DYSF: variants seen among roughly 807,000 people sequenced by gnomAD.
DYSF encodes the protein dystrophy-associated fer-1-like 1.
Under a neutral mutation model 274.9 loss-of-function variants are expected in DYSF, and 212 were observed. The observed-to-expected ratio is 0.77, with a 90% CI of 0.69 to 0.86. The LOEUF is 0.86. Ranked by LOEUF, DYSF falls within the 40% of genes least tolerant of loss-of-function variation. DYSF has a pLI of 0.00. For missense variants in DYSF, 2,666 were observed against 2,783.2 expected (o/e 0.96, Z 0.95); for synonymous variants, 1,091 against 1,078.7 (o/e 1.01, Z -0.22).
intron 42 of DYSF, among the ~76,000 whole-genome samples, chr2:71,648,144 A>G (rs1283508510): frequency 6.6e-6 from 1 of 152,278 alleles, no homozygotes; most frequent in Non-Finnish European, 1.5e-5. Flanking sequence ...ATGAAAACTT[A>G]TCAGTAGAAG....
rs1358528244 is a variant in DYSF, at chr2:71,527,512, A to G, written c.1277-786A>G. ...CTAGAAGTGAGGCTGGTGAACTTCA[A>G]GAGGGGCATGGGGAAATAGAAATGT... On this transcript the variant is annotated intron_variant, in intron 13 of 55. Transcript: ENST00000410020. Among the ~76,000 whole-genome samples, 11 of 152,248 alleles carry G rather than the reference A, an allele frequency of 7.2e-5. No homozygotes were observed. The South Asian group carries it at 2.1e-3, about 29-fold the overall frequency.
rs1008097537 is a variant in DYSF at position 71,677,535 on chromosome 2, A to T, written c.5885-1522A>T. ...CTAATAGCTGAAGGTATCCTGGGAG[A>T]TGATAGATAAAAGGGATGATTAGAT... On this transcript the variant is annotated intron_variant, in intron 52 of 55. Transcript: ENST00000410020. Among the ~76,000 whole-genome samples the T allele has an allele frequency of 2.0e-5, 3 of 152,188 alleles. No individual in the cohort carries two copies. In the South Asian group the frequency reaches 6.2e-4, roughly 32 times the overall value.
Position 71,574,306 on chromosome 2 carries a change from C to T in DYSF, c.3337C>T (p.Arg1113Cys), listed in dbSNP as rs141536854. ...AGATGCCTTCCGCCGCCGCCGCTGG[C>T]GCCGTCGCATGGAGCCACTGGAGAA... ...KTDAFRRRRW[R>C]RRMEPLEKTG... Residue 1113 changes from arginine (R) to cysteine (C), a missense_variant, in exon 30 of 56, where the codon CGC becomes TGC. By Grantham distance (180) the Arg-to-Cys change is radical. Coordinates refer to ENST00000410020, the MANE Select transcript of DYSF (RefSeq NM_001130987.2). The T allele has an allele frequency of 1.0e-3, 1,647 of 1,614,102 alleles. 16 individuals carry two copies. The African/African-American group carries it at 0.02, about 19-fold the overall frequency.
At chr2:71,492,601 A>G (rs550801223) in intron 3 of DYSF, among the ~76,000 whole-genome samples, 40 of 152,198 alleles carry the variant, frequency 2.6e-4, no homozygotes, top group African/African-American at 9.4e-4. Flanking sequence ...GTACAAGAAC[A>G]TCCATATATT....
At chr2:71,682,269 A>G (rs2095305923) in intron 54 of DYSF, among the ~76,000 whole-genome samples, 1 of 152,074 alleles carries the variant, frequency 6.6e-6, no homozygotes, top group Admixed American at 6.5e-5. Flanking sequence ...AGAGGATGGC[A>G]GAGAAACTGG....
chr2:71,592,152 G>T (rs1437185797), intron 32 of DYSF, among the ~76,000 whole-genome samples: 1 of 152,162 alleles, frequency 6.6e-6, no homozygotes, highest in Non-Finnish European at 1.5e-5. Context: ...TGGCCAGGGG[G>T]GGCCCAGGCA....
At position 71,568,254 on chromosome 2, in the gene DYSF, GC is replaced by G; in HGVS notation, c.2781del (p.Lys928ArgfsTer38). The G allele has an allele frequency of 3.7e-6, 6 of 1,614,220 alleles. No individual in the cohort carries two copies. The highest frequency in any genetic ancestry group is 5.1e-6 in the Non-Finnish European group (6 of 1,180,048). On this transcript the variant is annotated frameshift_variant, in exon 26 of 56. Transcript: ENST00000410020. LOFTEE classifies it high-confidence loss of function. ...TACCCCAAGTTTTCTGACGTCACGGGCAAGATCAAGCTACCCAAGGACAGCT... is the reference window on the plus strand; with the variant it reads ...TACCCCAAGTTTTCTGACGTCACGGGAAGATCAAGCTACCCAAGGACAGCT... Reference protein sequence around the residue: ...LTYPKFSDVTGKIKLPKDSFR... With the variant: ...LTYPKFSDVTXKIKLPKDSFR...
intron 39 of DYSF, 24 bp from the exon 40 acceptor site, chr2:71,613,310 C>T: frequency 6.2e-7 from 1 of 1,603,478 alleles, no homozygotes; most frequent in Non-Finnish European, 8.5e-7. Context: ...CCCTCTCAGG[C>T]CTGGATGGCT....
chr2:71,651,607 A>G (rs773634842), intron 42 of DYSF, among the ~76,000 whole-genome samples: 1 of 152,142 alleles, frequency 6.6e-6, no homozygotes, highest in Non-Finnish European at 1.5e-5. Flanking sequence ...TTCCTGTGCT[A>G]TATGTAGTAT....
rs149487720 is a variant in DYSF, at chr2:71,498,579, T to C, written c.240-4635T>C. On this transcript the variant is annotated intron_variant, in intron 3 of 55. Transcript: ENST00000410020. ...GGGAGGCTCGGAATCCCGTGGCCTC[T>C]GGCTGCATGACTCCTGAGTCATAAT... 5.1e-3 allele frequency among the ~76,000 whole-genome samples: 782 copies of C among 152,360 alleles called. 10 individuals are homozygous for C. The highest frequency in any genetic ancestry group is 0.018 in the African/African-American group (741 of 41,590).
chr2:71,590,018 GTTAA>G (rs2093210663), intron 31 of DYSF, among the ~76,000 whole-genome samples, 189 bp from the exon 32 acceptor site: 1 of 152,090 alleles, frequency 6.6e-6, no homozygotes, highest in Admixed American at 6.5e-5. Flanking sequence ...CCAAGGACAT[GTTAA>G]TTAGTCAGGT....
intron 40 of DYSF, among the ~76,000 whole-genome samples, chr2:71,618,612 TG>T (rs2094005092): frequency 9.7e-5 from 11 of 113,712 alleles, no homozygotes; most frequent in South Asian, 5.7e-4. Context: ...GTGGTGGGTG[TG>T]GTAGAGGTGG....
At chr2:71,650,555 A>C (rs898220596) in intron 42 of DYSF, among the ~76,000 whole-genome samples, 19 of 152,210 alleles carry the variant, frequency 1.2e-4, no homozygotes, top group Non-Finnish European at 2.8e-4. Flanking sequence ...TAGTAACCTG[A>C]TTTAACCCAG....
chr2:71,612,887 C>A, intron 39 of DYSF, 81 bp downstream of exon 39: 1 of 1,489,388 alleles, frequency 6.7e-7, no homozygotes. Flanking sequence ...GAGATGCATC[C>A]TGAAACCCTT....
intron 22 of DYSF, among the ~76,000 whole-genome samples, chr2:71,558,549 T>A (rs2091490553): frequency 1.3e-5 from 2 of 152,188 alleles, no homozygotes; most frequent in Admixed American, 6.5e-5. Flanking sequence ...CCCGTGGCCC[T>A]GCACATGACC....
intron 26 of DYSF, among the ~76,000 whole-genome samples, chr2:71,569,109 G>C (rs931573208): frequency 6.7e-6 from 1 of 150,132 alleles, no homozygotes; most frequent in African/African-American, 2.5e-5. Flanking sequence ...CTCCTGACCT[G>C]GTGATCCACC....
At chr2:71,611,032 G>C (rs1182733716) in intron 36 of DYSF, 1 of 611,604 alleles carries the variant, frequency 1.6e-6, no homozygotes, top group Non-Finnish European at 3.0e-6. Flanking sequence ...CCTGGATGAA[G>C]GTGCTGGAAT....
At chr2:71,661,957 G>A (rs1469883138) in intron 45 of DYSF, among the ~76,000 whole-genome samples, 1 of 152,148 alleles carries the variant, frequency 6.6e-6, no homozygotes, top group Non-Finnish European at 1.5e-5. Flanking sequence ...GCGAGCTCCA[G>A]GGGCTGGCGC....
intron 3 of DYSF, among the ~76,000 whole-genome samples, chr2:71,490,116 A>G (rs2083705713): frequency 6.6e-6 from 1 of 152,172 alleles, no homozygotes; most frequent in Admixed American, 6.5e-5. Context: ...GCTGTACCTG[A>G]GTGTGCACTA....
Sources: allele counts gnomAD v4.1 joint callset (sites outside exome capture counted in the v4.1 genomes callset), GRCh38; gene constraint gnomAD v4.1.1; transcripts MANE v1.5; gene names NCBI Gene and HGNC (gene_info 2026-07-23, HGNC 2026-07-21).